EVI5L: variants seen among roughly 807,000 people sequenced by gnomAD.
EVI5L encodes the protein ecotropic viral integration site 5 like.
EVI5L carries 30 observed loss-of-function variants against 106.1 expected under a neutral mutation model. That is an observed-to-expected ratio of 0.28 (90% confidence interval 0.21 to 0.38). The LOEUF (loss-of-function observed/expected upper bound fraction) is 0.38, where lower values mean the gene tolerates loss of function less well. Ranked by LOEUF, EVI5L falls within the 10% of genes least tolerant of loss-of-function variation. The pLI, the probability that EVI5L is intolerant of heterozygous loss-of-function variation, is 1.00. For synonymous variants in EVI5L, 489 were observed against 483.3 expected (o/e 1.01, Z -0.15); for missense variants, 809 against 1,098.0 (o/e 0.74, Z 3.72).
intron 14 of EVI5L, among the ~76,000 whole-genome samples, 175 bp downstream of exon 14, chr19:7,860,864 G>T (rs1979768379): frequency 6.6e-6 from 1 of 152,120 alleles, no homozygotes; most frequent in Admixed American, 6.5e-5. Flanking sequence ...GCTCCTGTAT[G>T]AGGCAAACTC....
rs771142720 is a variant in EVI5L, at chr19:7,848,151, C to A, written c.327+230C>A. ...CCCTCGAGTGCCCATGTGCTTGCTG[C>A]CCTGTAGTGCCCATGAAGGATGGGG... On this transcript the variant is annotated intron_variant, in intron 3 of 19. Coordinates refer to ENST00000538904, the MANE Select transcript of EVI5L (RefSeq NM_001159944.3). The surrounding 1 kb of genome is among the most constrained non-coding windows in gnomAD (Gnocchi z 4.8). Among the ~76,000 whole-genome samples the A allele has an allele frequency of 7.2e-5, 11 of 152,114 alleles. No individual in the cohort carries two copies. The highest frequency in any genetic ancestry group is 1.2e-4 in the Non-Finnish European group (8 of 68,020).
rs949214042 is a variant in EVI5L, at chr19:7,848,320, G to C, written c.327+399G>C. 1.3e-5 allele frequency among the ~76,000 whole-genome samples: 2 copies of C among 152,140 alleles called. No homozygotes were observed. Among genetic ancestry groups the C allele is most frequent in the African/African-American group, 2.4e-5 (1 of 41,410 alleles). On this transcript the variant is annotated intron_variant, in intron 3 of 19. Coordinates refer to ENST00000538904, the MANE Select transcript of EVI5L (RefSeq NM_001159944.3). The surrounding 1 kb of genome is among the most constrained non-coding windows in gnomAD (Gnocchi z 4.8). ...GTTTAAAAATTAGCCAGGTAGGCCG[G>C]GCGCAGTGGCTCACGCCTGTAATCC... is the stretch of plus-strand genomic sequence containing the variant.
intron 1 of EVI5L, among the ~76,000 whole-genome samples, chr19:7,834,369 G>T (rs1199528593): frequency 6.6e-6 from 1 of 152,096 alleles, no homozygotes; most frequent in East Asian, 1.9e-4. Context: ...AAAGAAAAAT[G>T]AGGGTTTTGC....
chr19:7,835,822 G>C lies in EVI5L; in HGVS notation c.-48+5441G>C, dbSNP rs1484174819. 6.6e-6 allele frequency among the ~76,000 whole-genome samples: 1 copy of C among 152,224 alleles called. No individual in the cohort carries two copies. The highest frequency in any genetic ancestry group is 1.5e-5 in the Non-Finnish European group (1 of 68,038). On this transcript the variant is annotated intron_variant, in intron 1 of 19. Coordinates refer to ENST00000538904, the MANE Select transcript of EVI5L (RefSeq NM_001159944.3). This position sits in a 1 kb window ranked among gnomAD's most constrained non-coding sequence, Gnocchi z 4.1. The stretch of plus-strand genomic sequence containing the variant: ...GGTTGGGCCATTTCCCCAGAGGTCA[G>C]AGCCAGCCAAGACAGCAGCAGTCTG...
At chr19:7,834,618 A>G (rs888794654) in intron 1 of EVI5L, among the ~76,000 whole-genome samples, 8 of 152,182 alleles carry the variant, frequency 5.3e-5, no homozygotes, top group Admixed American at 4.6e-4. Flanking sequence ...GGGGAAGTTT[A>G]TTTATCCCAC....
Position 7,853,333 on chromosome 19 carries a change from A to C in EVI5L, c.1146A>C (p.Lys382Asn). The C allele has an allele frequency of 6.2e-7, 1 of 1,609,870 alleles. No homozygotes were observed. The highest frequency in any genetic ancestry group is 8.5e-7 in the Non-Finnish European group (1 of 1,178,486). The change falls in exon 10 of 20, where the codon AAA (lysine) becomes AAC (asparagine). Residue 382 changes from lysine (K) to asparagine (N), a missense_variant and splice_region_variant. By Grantham distance (94) the Lys-to-Asn change is moderately conservative. This residue lies in a region of EVI5L where 357 missense variants were observed against 588.1 expected (regional missense o/e 0.61). Coordinates refer to ENST00000538904, the MANE Select transcript of EVI5L (RefSeq NM_001159944.3). Reference protein sequence around the residue: ...SKEMEEQIEIKRLRTENRLLK... With the variant: ...SKEMEEQIEINRLRTENRLLK... ...AGATGGAGGAGCAGATCGAGATCAA[A>C]GTGAGTCCAGGGGCCCAGGGGCGGG...
intron 2 of EVI5L, among the ~76,000 whole-genome samples, 190 bp downstream of exon 2, chr19:7,846,869 C>T (rs1002665579): frequency 6.6e-6 from 1 of 152,234 alleles, no homozygotes; most frequent in Admixed American, 6.5e-5. Flanking sequence ...GTGTCCCCAC[C>T]CTGTTCAGAT....
chr19:7,848,457 C>A lies in EVI5L; in HGVS notation c.328-464C>A, dbSNP rs537602197. On this transcript the variant is annotated intron_variant, in intron 3 of 19. Transcript: ENST00000538904. The surrounding 1 kb of genome is among the most constrained non-coding windows in gnomAD (Gnocchi z 4.8). Reference sequence around the variant, plus strand: ...ACTAAAAATACAAAAATTAGCTGGGCGTGGTGGCGTGCACCTGTAATCCCA... The same window carrying A: ...ACTAAAAATACAAAAATTAGCTGGGAGTGGTGGCGTGCACCTGTAATCCCA... Among the ~76,000 whole-genome samples, 5 of 151,960 alleles carry A rather than the reference C, an allele frequency of 3.3e-5. No individual in the cohort carries two copies. Among genetic ancestry groups the A allele is most frequent in the African/African-American group, 1.2e-4 (5 of 41,354 alleles).
chr19:7,832,831 G>A (rs548329601), intron 1 of EVI5L, among the ~76,000 whole-genome samples: 1 of 152,296 alleles, frequency 6.6e-6, no homozygotes, highest in South Asian at 2.1e-4. Flanking sequence ...GGCATGAGGG[G>A]CTGTCGGATA....
chr19:7,851,377 C>T, intron 6 of EVI5L, 57 bp from the exon 7 acceptor site: 2 of 1,564,784 alleles, frequency 1.3e-6, no homozygotes, highest in Non-Finnish European at 1.7e-6. Flanking sequence ...AGGCCCAGCA[C>T]CCCCCGGTGG....
intron 1 of EVI5L, among the ~76,000 whole-genome samples, chr19:7,833,626 T>C (rs1246026592): frequency 6.6e-6 from 1 of 152,222 alleles, no homozygotes; most frequent in Non-Finnish European, 1.5e-5. Flanking sequence ...CAGAAGTGCT[T>C]GGACACACGC....
intron 1 of EVI5L, among the ~76,000 whole-genome samples, chr19:7,842,718 GTA>G (rs1978689992): frequency 6.6e-6 from 1 of 152,048 alleles, no homozygotes; most frequent in Non-Finnish European, 1.5e-5. Flanking sequence ...ATGTGCACGA[GTA>G]TGTGTGTATT....
In EVI5L at chr19:7,856,278, G is replaced by T. The variant is rs1351469118; in HGVS notation, c.1200+210G>T. ...CTCGTATGGTGATTAATCCTGGAGT[G>T]GGGGCGAGTTACAACCCAGTGGCCT... On this transcript the variant is annotated intron_variant, in intron 11 of 19. Transcript: ENST00000538904. The surrounding 1 kb of genome is among the most constrained non-coding windows in gnomAD (Gnocchi z 6.6). 6.6e-6 allele frequency among the ~76,000 whole-genome samples: 1 copy of T among 152,086 alleles called. No individual in the cohort carries two copies. The highest frequency in any genetic ancestry group is 1.5e-5 in the Non-Finnish European group (1 of 67,998).
Position 7,848,899 on chromosome 19 carries a change from C to G in EVI5L, c.328-22C>G, listed in dbSNP as rs779411742. The G allele has an allele frequency of 1.3e-6, 2 of 1,599,448 alleles. No homozygotes were observed. Among genetic ancestry groups the G allele is most frequent in the Admixed American group, 3.4e-5 (2 of 59,588 alleles). Reference sequence around the variant, plus strand: ...CTGCGCTGGGACCGAGTCCAGCCCCCGCTTCCCGCTCCCGTGGCCAGGAGC... The same window carrying G: ...CTGCGCTGGGACCGAGTCCAGCCCCGGCTTCCCGCTCCCGTGGCCAGGAGC... On this transcript the variant is annotated intron_variant, in intron 3 of 19. Coordinates refer to ENST00000538904, the MANE Select transcript of EVI5L (RefSeq NM_001159944.3). This position sits in a 1 kb window ranked among gnomAD's most constrained non-coding sequence, Gnocchi z 4.8.
At chr19:7,855,173 G>C (rs940045634) in intron 10 of EVI5L, among the ~76,000 whole-genome samples, 1 of 148,718 alleles carries the variant, frequency 6.7e-6, no homozygotes, top group African/African-American at 2.5e-5. Flanking sequence ...CTGCAGTGCA[G>C]TGAGGTGATC....
At chr19:7,862,625 GTCCTGCCTCCCGA>G (rs1979875815) in intron 17 of EVI5L, 91 bp downstream of exon 17, 17 of 1,181,302 alleles carry the variant, frequency 1.4e-5, no homozygotes, top group Admixed American at 4.3e-5. Flanking sequence ...CTCTGCCGGC[GTCCTGCCTCCCGA>G]TCTGCCCCTG....
intron 1 of EVI5L, among the ~76,000 whole-genome samples, chr19:7,832,360 C>T (rs745506559): frequency 2.0e-4 from 31 of 152,224 alleles, no homozygotes; most frequent in Non-Finnish European, 3.8e-4. Flanking sequence ...CTTCTGACAA[C>T]ATAACTGTGC....
chr19:7,857,944 G>A lies in EVI5L; in HGVS notation c.1234-247G>A. Reference sequence around the variant, plus strand: ...TGAGAGCCAGAGTGGGGAAGGAGATGGAGCTTTCCAAGCCCAGGGCTAGCT... The same window carrying A: ...TGAGAGCCAGAGTGGGGAAGGAGATAGAGCTTTCCAAGCCCAGGGCTAGCT... On this transcript the variant is annotated intron_variant, in intron 12 of 19. Transcript: ENST00000538904. This position sits in a 1 kb window ranked among gnomAD's most constrained non-coding sequence, Gnocchi z 4.5. 3.9e-6 allele frequency: 2 copies of A among 506,914 alleles called. No individual in the cohort carries two copies. Among genetic ancestry groups the A allele is most frequent in the Middle Eastern group, 5.3e-4 (1 of 1,904 alleles). The allele number at this position is 506,914 out of a possible 1,614,324, so 31.4% of individuals were successfully genotyped here. A position where few individuals can be genotyped will look rare whatever the true frequency, so the allele number is the denominator to read the frequency against.
chr19:7,854,258 G>A (rs1979415149), intron 10 of EVI5L, among the ~76,000 whole-genome samples: 1 of 149,400 alleles, frequency 6.7e-6, no homozygotes, highest in Non-Finnish European at 1.5e-5. Context: ...CTCCAGCCTG[G>A]GCGACAGAGT....
Sources: allele counts gnomAD v4.1 joint callset (sites outside exome capture counted in the v4.1 genomes callset), GRCh38; gene constraint gnomAD v4.1.1; regional missense constraint gnomAD v4.1.1; non-coding constraint Gnocchi (gnomAD v3.1); transcripts MANE v1.5; gene names NCBI Gene and HGNC (gene_info 2026-07-23, HGNC 2026-07-21).